CDH6: variants seen among roughly 807,000 people sequenced by gnomAD.
CDH6 encodes the protein cadherin-6.
In CDH6, 31 loss-of-function variants were observed where a neutral mutation model predicts 78.0. The ratio of observed to expected loss-of-function variants is 0.40; its 90% CI spans 0.30 to 0.54. The LOEUF is 0.54. Among genes scored for constraint, CDH6 ranks in the 20% least tolerant of loss-of-function variants. The pLI is 0.56. For missense variants in CDH6, 724 were observed against 975.9 expected (o/e 0.74, Z 3.44); for synonymous variants, 376 against 368.8 (o/e 1.02, Z -0.23).
intron 7 of CDH6, 125 bp from the exon 8 acceptor site, chr5:31,313,193 T>C: frequency 1.3e-6 from 1 of 772,760 alleles, no homozygotes; most frequent in Non-Finnish European, 2.0e-6. Flanking sequence ...GCACTAGAGA[T>C]GGAAAAAAAT....
intron 6 of CDH6, 38 bp downstream of exon 6, chr5:31,302,336 A>G (rs762478141): frequency 4.1e-6 from 6 of 1,479,908 alleles, no homozygotes; most frequent in Non-Finnish European, 5.5e-6. Flanking sequence ...GAGTGAACCC[A>G]TTTACTTTTC....
At chr5:31,259,334 CA>C (rs1357696939) in intron 1 of CDH6, among the ~76,000 whole-genome samples, 1 of 152,150 alleles carries the variant, frequency 6.6e-6, no homozygotes, top group Non-Finnish European at 1.5e-5. Context: ...GCAATTTAAT[CA>C]AGTTAATTCT....
intron 1 of CDH6, among the ~76,000 whole-genome samples, chr5:31,199,840 T>A (rs1025912720): frequency 6.6e-6 from 1 of 151,800 alleles, no homozygotes; most frequent in Non-Finnish European, 1.5e-5. Context: ...CTTCTAAGTA[T>A]TTTACATGCA....
chr5:31,246,319 T>C (rs994283374), intron 1 of CDH6, among the ~76,000 whole-genome samples: 1 of 152,174 alleles, frequency 6.6e-6, no homozygotes, highest in Non-Finnish European at 1.5e-5. Flanking sequence ...AAATTTGTTT[T>C]CTGCATCCCC....
intron 7 of CDH6, among the ~76,000 whole-genome samples, chr5:31,306,173 A>C (rs1737985624): frequency 6.6e-6 from 1 of 152,228 alleles, no homozygotes; most frequent in Non-Finnish European, 1.5e-5. Flanking sequence ...TAACACTTAA[A>C]AGACAGAATT....
chr5:31,248,641 T>C (rs552312387), intron 1 of CDH6, among the ~76,000 whole-genome samples: 26 of 152,296 alleles, frequency 1.7e-4, no homozygotes, highest in African/African-American at 6.3e-4. Context: ...GATCTTTTTC[T>C]CAGAATTCTT....
chr5:31,244,036 G>A (rs538348859), intron 1 of CDH6, among the ~76,000 whole-genome samples: 14 of 152,262 alleles, frequency 9.2e-5, no homozygotes, highest in South Asian at 2.1e-4. Flanking sequence ...CTCCAAAAGC[G>A]CTGGATTACC....
At chr5:31,304,867 T>C (rs938522425) in intron 6 of CDH6, among the ~76,000 whole-genome samples, 3 of 152,120 alleles carry the variant, frequency 2.0e-5, no homozygotes, top group Non-Finnish European at 4.4e-5. Flanking sequence ...TATGATGCCT[T>C]GTACCTCACT....
chr5:31,218,369 G>A (rs1183317387), intron 1 of CDH6, among the ~76,000 whole-genome samples: 1 of 152,110 alleles, frequency 6.6e-6, no homozygotes, highest in Non-Finnish European at 1.5e-5. Context: ...AGTAAAACAT[G>A]GGTAGGTAAT....
intron 1 of CDH6, among the ~76,000 whole-genome samples, chr5:31,196,449 C>G (rs1432899437): frequency 1.3e-5 from 2 of 152,108 alleles, no homozygotes; most frequent in African/African-American, 4.8e-5. Context: ...TGTGTGGTCC[C>G]CCCTTCTGGC....
At chr5:31,241,080 T>A (rs1200913795) in intron 1 of CDH6, among the ~76,000 whole-genome samples, 1 of 152,226 alleles carries the variant, frequency 6.6e-6, no homozygotes, top group Non-Finnish European at 1.5e-5. Context: ...CTCATTTCCA[T>A]GAATCTTCTA....
intron 1 of CDH6, among the ~76,000 whole-genome samples, chr5:31,221,540 C>T (rs890121673): frequency 3.3e-5 from 5 of 152,002 alleles, no homozygotes; most frequent in African/African-American, 1.2e-4. Flanking sequence ...CTTTATTAAA[C>T]ATTTTATTAA....
chr5:31,234,178 C>A (rs924890025), intron 1 of CDH6, among the ~76,000 whole-genome samples: 1 of 151,652 alleles, frequency 6.6e-6, no homozygotes, highest in Non-Finnish European at 1.5e-5. Flanking sequence ...TTTTTTTATT[C>A]TTTATTAACA....
At chr5:31,269,860 G>A (rs775522267) in intron 2 of CDH6, among the ~76,000 whole-genome samples, 6 of 151,906 alleles carry the variant, frequency 3.9e-5, no homozygotes, top group Non-Finnish European at 8.8e-5. Flanking sequence ...CCTCCTTGTA[G>A]TTATAACACA....
In CDH6 at chr5:31,328,175, CTTT is replaced by C. The variant is rs151043213; in HGVS notation, c.*4886_*4888del. Reference sequence around the variant, plus strand: ...AGAGCTTTTACAAGTTGCTTAATTCCTTTTTTTTTTTTTTTTTTTTTCAAAAAC... The same window carrying C: ...AGAGCTTTTACAAGTTGCTTAATTCCTTTTTTTTTTTTTTTTTTCAAAAAC... On this transcript the variant is annotated 3_prime_UTR_variant, in exon 12 of 12. Coordinates refer to ENST00000265071, the MANE Select transcript of CDH6 (RefSeq NM_004932.4). 285 of 121,804 alleles carry C rather than the reference CTTT, an allele frequency of 2.3e-3. No individual in the cohort carries two copies. Among genetic ancestry groups the C allele is most frequent in the East Asian group, 0.011 (85 of 7,608 alleles). 7.5% of individuals were successfully genotyped at this position (121,804 alleles called of 1,614,324 possible). A position where few individuals can be genotyped will look rare whatever the true frequency, so the allele number is the denominator to read the frequency against.
At chr5:31,295,129 ATGGAAATCGTTG>A (rs1737549024) in intron 3 of CDH6, among the ~76,000 whole-genome samples, 1 of 152,234 alleles carries the variant, frequency 6.6e-6, no homozygotes, top group African/African-American at 2.4e-5. Context: ...TAACAAATCC[ATGGAAATCGTTG>A]TAAAACATCT....
chr5:31,246,824 C>T (rs568566155), intron 1 of CDH6, among the ~76,000 whole-genome samples: 2 of 151,974 alleles, frequency 1.3e-5, no homozygotes, highest in Non-Finnish European at 2.9e-5. Flanking sequence ...GGCATAATCT[C>T]GGCTCACTGC....
At chr5:31,239,808 C>G (rs910940876) in intron 1 of CDH6, among the ~76,000 whole-genome samples, 1 of 152,174 alleles carries the variant, frequency 6.6e-6, no homozygotes, top group Non-Finnish European at 1.5e-5. Flanking sequence ...ATCCATAGCT[C>G]TTTAGTACAG....
intron 1 of CDH6, among the ~76,000 whole-genome samples, chr5:31,246,288 AT>A (rs1481563197): frequency 6.6e-6 from 1 of 151,960 alleles, no homozygotes; most frequent in East Asian, 1.9e-4. Flanking sequence ...CTGTTGCTTA[AT>A]TTTTCTCACT....
Sources: allele counts gnomAD v4.1 joint callset (sites outside exome capture counted in the v4.1 genomes callset), GRCh38; gene constraint gnomAD v4.1.1; transcripts MANE v1.5; gene names NCBI Gene and HGNC (gene_info 2026-07-23, HGNC 2026-07-21).